Variants in KCNH1 observed in about 807,000 individuals in gnomAD.
KCNH1 encodes the protein voltage-gated delayed rectifier potassium channel KCNH1.
KCNH1 carries 27 observed loss-of-function variants against 69.2 expected under a neutral mutation model. That is an observed-to-expected ratio of 0.39 (90% confidence interval 0.29 to 0.54). The LOEUF (loss-of-function observed/expected upper bound fraction) is 0.54. KCNH1 is among the 20% of genes least tolerant of loss of function. The probability of loss-of-function intolerance (pLI) is 0.68; values close to 1 mark genes in which losing one functional copy is unlikely to be tolerated. For synonymous variants in KCNH1, 456 were observed against 487.7 expected, an observed-to-expected ratio of 0.93 and a Z score of 0.86; for missense variants, 798 against 1,261.6, an observed-to-expected ratio of 0.63 and a Z score of 5.57.
At chr1:211,018,281 C>T (rs9645356) in intron 6 of KCNH1, among the ~76,000 whole-genome samples, 10,909 of 152,268 alleles carry the variant, frequency 0.072, 494 homozygotes, top group East Asian at 0.18. Context: ...TGCCTCCAAA[C>T]TCATTTTAGC....
intron 6 of KCNH1, among the ~76,000 whole-genome samples, chr1:210,974,561 C>CT (rs11321855): frequency 0.011 from 1,094 of 95,234 alleles, 27 homozygotes; most frequent in African/African-American, 0.023. Flanking sequence ...TTTCTTCATC[C>CT]TTTTTTTTTT....
chr1:211,054,760 A>G (rs1011942327), intron 5 of KCNH1, among the ~76,000 whole-genome samples: 1 of 152,170 alleles, frequency 6.6e-6, no homozygotes, highest in Non-Finnish European at 1.5e-5. Context: ...TAAAAGAACA[A>G]AAATAGAATG....
At chr1:210,699,512 T>C (rs1331557459) in intron 10 of KCNH1, among the ~76,000 whole-genome samples, 1 of 152,142 alleles carries the variant, frequency 6.6e-6, no homozygotes, top group African/African-American at 2.4e-5. Context: ...CCTAGGTAGG[T>C]GGATCCCCAG....
At chr1:210,806,806 CCAAAAAAAAAAAAAAA>C (rs781327982) in intron 7 of KCNH1, among the ~76,000 whole-genome samples, 27,555 of 86,224 alleles carry the variant, frequency 0.32, 6,510 homozygotes, top group South Asian at 0.46. Flanking sequence ...CCCATCTCTA[CCAAAAAAAAAAAAAAA>C]AAAAAAAAAA....
chr1:211,101,393 C>T (rs567023471), intron 3 of KCNH1, among the ~76,000 whole-genome samples: 3 of 152,194 alleles, frequency 2.0e-5, no homozygotes, highest in African/African-American at 7.2e-5. Flanking sequence ...CTTAATTCCT[C>T]AAGAGAGGGT....
rs1387980426 is a variant in KCNH1 at position 210,806,824 on chromosome 1, A to ATAT, written c.1463-2659_1463-2658insATA. 1.4e-3 allele frequency among the ~76,000 whole-genome samples: 64 copies of ATAT among 44,914 alleles called. 5 individuals carry two copies. The highest frequency in any genetic ancestry group is 5.4e-3 in the East Asian group (5 of 920). 29.5% of individuals were successfully genotyped at this position (44,914 alleles called of 152,430 possible). On this transcript the variant is annotated intron_variant, in intron 7 of 10. Coordinates refer to ENST00000271751, the MANE Select transcript of KCNH1 (RefSeq NM_172362.3). ...ATCTCTACCAAAAAAAAAAAAAAAA[A>ATAT]AAAAAAAAAAAAATATATATATATA...
chr1:210,745,509 G>A (rs564388005), intron 10 of KCNH1, among the ~76,000 whole-genome samples: 58 of 152,278 alleles, frequency 3.8e-4, no homozygotes, highest in African/African-American at 1.4e-3. Flanking sequence ...ATTAAGAAAC[G>A]ATGGTCACTA....
At chr1:210,835,932 C>T (rs1350023285) in intron 7 of KCNH1, among the ~76,000 whole-genome samples, 1 of 151,806 alleles carries the variant, frequency 6.6e-6, no homozygotes, top group Non-Finnish European at 1.5e-5. Flanking sequence ...GTGTTTGAGA[C>T]CAGCATGGCC....
rs554660483 is a variant in KCNH1, at chr1:210,881,335, T to A, written c.1462+38305A>T. On this transcript the variant is annotated intron_variant, in intron 7 of 10. Transcript: ENST00000271751. Reference sequence around the variant, plus strand: ...TAAGAAGACATCTTTACACACATATTAGAATGGCCCAAATCCAGAATACTA... The same window carrying A: ...TAAGAAGACATCTTTACACACATATAAGAATGGCCCAAATCCAGAATACTA... Among the ~76,000 whole-genome samples, 4 of 152,298 alleles carry A rather than the reference T, an allele frequency of 2.6e-5. No individual in the cohort carries two copies. In the East Asian group the frequency reaches 7.7e-4, roughly 29 times the overall value.
intron 1 of KCNH1, among the ~76,000 whole-genome samples, chr1:211,120,747 T>C (rs897715417): frequency 3.3e-5 from 5 of 152,208 alleles, no homozygotes; most frequent in African/African-American, 1.2e-4. Context: ...AAGTTGTCTC[T>C]GTTTGCAGAC....
In KCNH1 at chr1:210,775,331, T is replaced by C. The variant is rs776701753; in HGVS notation, c.2112+17A>G. 3.1e-6 allele frequency: 5 copies of C among 1,611,032 alleles called. No homozygotes were observed. The highest frequency in any genetic ancestry group is 1.7e-6 in the Non-Finnish European group (2 of 1,177,588). Reference sequence around the variant, plus strand: ...GAGACTGTTCTTTGTGGAAAATAACTGAAACTTTTAGCTCACCCTCTTCCT... The same window carrying C: ...GAGACTGTTCTTTGTGGAAAATAACCGAAACTTTTAGCTCACCCTCTTCCT... On this transcript the variant is annotated intron_variant, in intron 10 of 10. Coordinates refer to ENST00000271751, the MANE Select transcript of KCNH1 (RefSeq NM_172362.3).
intron 6 of KCNH1, among the ~76,000 whole-genome samples, chr1:210,954,757 T>C (rs1235684330): frequency 6.6e-6 from 1 of 152,180 alleles, no homozygotes; most frequent in Non-Finnish European, 1.5e-5. Flanking sequence ...GGGTTGTTTT[T>C]TTCTTGTAAC....
intron 10 of KCNH1, among the ~76,000 whole-genome samples, chr1:210,709,309 G>A (rs1681994670): frequency 6.6e-6 from 1 of 152,188 alleles, no homozygotes; most frequent in African/African-American, 2.4e-5. Context: ...TGTTGATGAA[G>A]GCAGAGATTG....
At chr1:210,956,602 G>A (rs1348553800) in intron 6 of KCNH1, among the ~76,000 whole-genome samples, 2 of 143,844 alleles carry the variant, frequency 1.4e-5, no homozygotes, top group East Asian at 2.0e-4. Context: ...CCTGTTATTC[G>A]TCTATTCAGA....
At chr1:210,852,862 C>A (rs149838649) in intron 7 of KCNH1, among the ~76,000 whole-genome samples, 1 of 152,128 alleles carries the variant, frequency 6.6e-6, no homozygotes, top group Non-Finnish European at 1.5e-5. Flanking sequence ...CCAAAGGCAA[C>A]GTGGAAATTC....
At chr1:210,955,293 T>G (rs1444162191) in intron 6 of KCNH1, among the ~76,000 whole-genome samples, 1 of 152,238 alleles carries the variant, frequency 6.6e-6, no homozygotes, top group African/African-American at 2.4e-5. Context: ...CATGCTGTTT[T>G]CACTACTGTA....
At chr1:211,087,606 TACAC>T (rs59377189) in intron 4 of KCNH1, among the ~76,000 whole-genome samples, 72,452 of 142,532 alleles carry the variant, frequency 0.51, 18,438 homozygotes, top group South Asian at 0.57. Flanking sequence ...CCTTTAAGCA[TACAC>T]ACACACACAC....
At chr1:210,831,742 C>G (rs1335428566) in intron 7 of KCNH1, among the ~76,000 whole-genome samples, 1 of 152,168 alleles carries the variant, frequency 6.6e-6, no homozygotes, top group African/African-American at 2.4e-5. Flanking sequence ...GAAACATTTC[C>G]CCTCTAGGTC....
At position 211,059,325 on chromosome 1, in the gene KCNH1, T is replaced by C. The variant is rs182757065; in HGVS notation, c.558+23455A>G. Among the ~76,000 whole-genome samples the C allele has an allele frequency of 2.1e-3, 322 of 149,814 alleles. 2 individuals are homozygous for C. The highest frequency in any genetic ancestry group is 3.5e-3 in the Middle Eastern group (1 of 288). The stretch of plus-strand genomic sequence containing the variant: ...GAGAGAGACAGAAAGTCATTAATGA[T>C]GATAAATGAGTCAAATGATAAGAGT... On this transcript the variant is annotated intron_variant, in intron 5 of 10. Transcript: ENST00000271751.
Sources: allele counts gnomAD v4.1 joint callset (sites outside exome capture counted in the v4.1 genomes callset), GRCh38; gene constraint gnomAD v4.1.1; transcripts MANE v1.5; gene names NCBI Gene and HGNC (gene_info 2026-07-23, HGNC 2026-07-21).